The following GRID2 variants were observed in gnomAD, a reference collection of about 807,000 sequenced individuals.
The protein encoded by GRID2 is glutamate ionotropic receptor delta type subunit 2.
In GRID2, 33 loss-of-function variants were observed where a neutral mutation model predicts 114.8. The ratio of observed to expected loss-of-function variants is 0.29; its 90% CI spans 0.22 to 0.38. The LOEUF is 0.38. GRID2 is among the 10% of genes least tolerant of loss of function. GRID2 has a pLI of 1.00. For missense variants in GRID2, 1,184 were observed against 1,257.7 expected (o/e 0.94, Z 0.89); for synonymous variants, 505 against 449.9 (o/e 1.12, Z -1.55).
At chr4:93,388,535 T>C (rs986507867) in intron 8 of GRID2, among the ~76,000 whole-genome samples, 4 of 152,120 alleles carry the variant, frequency 2.6e-5, no homozygotes, top group African/African-American at 9.7e-5. Flanking sequence ...ACTCATATGA[T>C]TTGAATTCAA....
intron 1 of GRID2, among the ~76,000 whole-genome samples, chr4:92,560,185 G>A (rs943838806): frequency 6.6e-6 from 1 of 152,184 alleles, no homozygotes; most frequent in Admixed American, 6.5e-5. Context: ...AGGGGAGCCT[G>A]CTTAATGAGA....
chr4:92,913,879 T>G (rs1450361205), intron 2 of GRID2, among the ~76,000 whole-genome samples: 3 of 152,044 alleles, frequency 2.0e-5, no homozygotes, highest in Non-Finnish European at 2.9e-5. Flanking sequence ...TGACTACTAT[T>G]TTTTCAAACA....
At chr4:92,776,015 A>G (rs1334088773) in intron 2 of GRID2, among the ~76,000 whole-genome samples, 1 of 152,146 alleles carries the variant, frequency 6.6e-6, no homozygotes, top group Non-Finnish European at 1.5e-5. Context: ...CTGACACACT[A>G]TAGGAAGGCC....
chr4:92,453,179 A>G (rs1048856610), intron 1 of GRID2, among the ~76,000 whole-genome samples: 1 of 152,088 alleles, frequency 6.6e-6, no homozygotes, highest in African/African-American at 2.4e-5. Context: ...GAAATAAAGG[A>G]GGCAGGAAGA....
chr4:93,027,047 G>C (rs1723945815), intron 2 of GRID2, among the ~76,000 whole-genome samples: 2 of 151,748 alleles, frequency 1.3e-5, no homozygotes, highest in Non-Finnish European at 2.9e-5. Flanking sequence ...AAATACATTG[G>C]CAAATCAACT....
chr4:92,953,574 T>G (rs1422939535), intron 2 of GRID2, among the ~76,000 whole-genome samples: 2 of 152,164 alleles, frequency 1.3e-5, no homozygotes, highest in African/African-American at 4.8e-5. Flanking sequence ...TGATGATTAG[T>G]TTATGTGATT....
intron 2 of GRID2, among the ~76,000 whole-genome samples, chr4:92,760,859 C>T (rs1277860365): frequency 6.6e-6 from 1 of 152,122 alleles, no homozygotes; most frequent in African/African-American, 2.4e-5. Context: ...GCTATGAATA[C>T]ACTTCATCTT....
intron 5 of GRID2, among the ~76,000 whole-genome samples, chr4:93,214,222 A>G (rs1252297639): frequency 3.3e-5 from 5 of 152,036 alleles, no homozygotes; most frequent in Non-Finnish European, 7.4e-5. Flanking sequence ...ATTATTTTAA[A>G]AAATCTGACA....
rs1296478558 is a variant in GRID2, at chr4:92,938,036, C to T, written c.245-146959C>T. ...AGCTTCTTTTAATTTTCAGACTTCCCATTGTTTTTAAGATGAAATAATGTT... is the reference window on the plus strand; with the variant it reads ...AGCTTCTTTTAATTTTCAGACTTCCTATTGTTTTTAAGATGAAATAATGTT... On this transcript the variant is annotated intron_variant, in intron 2 of 15. Coordinates refer to ENST00000282020, the MANE Select transcript of GRID2 (RefSeq NM_001510.4). Among the ~76,000 whole-genome samples, 3 of 146,628 alleles carry T rather than the reference C, an allele frequency of 2.0e-5. 1 individual carries two copies. The highest frequency in any genetic ancestry group is 1.5e-4 in the Admixed American group (2 of 13,530).
At position 93,489,218 on chromosome 4, in the gene GRID2, T is replaced by A. The variant is rs190007756; in HGVS notation, c.1859-1421T>A. Among the ~76,000 whole-genome samples, 13 of 151,988 alleles carry A rather than the reference T, an allele frequency of 8.6e-5. No individual in the cohort carries two copies. In the East Asian group the frequency reaches 2.5e-3, roughly 30 times the overall value. ...GATAAAAGATTGTTATAAAAAGATA[T>A]CCTCTGAGCAGAAACCTGAAAAAAT... On this transcript the variant is annotated intron_variant, in intron 11 of 15. Transcript: ENST00000282020.
chr4:92,675,495 T>G (rs899976052), intron 2 of GRID2, among the ~76,000 whole-genome samples: 2 of 134,094 alleles, frequency 1.5e-5, no homozygotes, highest in Non-Finnish European at 3.3e-5. Flanking sequence ...CTCCAATCAC[T>G]ATTCTTCACT....
intron 11 of GRID2, among the ~76,000 whole-genome samples, chr4:93,490,360 A>G (rs1414419557): frequency 2.0e-5 from 3 of 151,926 alleles, no homozygotes; most frequent in African/African-American, 7.2e-5. Context: ...CTGTGATTAT[A>G]ATAAAAGGTA....
At chr4:93,114,556 A>C (rs138126496) in intron 4 of GRID2, among the ~76,000 whole-genome samples, 1,577 of 152,202 alleles carry the variant, frequency 0.01, 15 homozygotes, top group Non-Finnish European at 0.015. Context: ...TTAAGCAATG[A>C]TGTAGGAATG....
chr4:93,668,599 GA>G (rs1724141734), intron 14 of GRID2, among the ~76,000 whole-genome samples: 1 of 152,050 alleles, frequency 6.6e-6, no homozygotes, highest in Admixed American at 6.6e-5. Context: ...AGGTGAGAAA[GA>G]AGTAGAGATA....
intron 10 of GRID2, among the ~76,000 whole-genome samples, chr4:93,426,375 C>T (rs1201783395): frequency 6.6e-6 from 1 of 152,040 alleles, no homozygotes; most frequent in Non-Finnish European, 1.5e-5. Flanking sequence ...CCCAGATTAG[C>T]AATTACGTTA....
chr4:92,359,328 C>A (rs1450390308), intron 1 of GRID2, among the ~76,000 whole-genome samples: 3 of 151,910 alleles, frequency 2.0e-5, no homozygotes, highest in African/African-American at 7.2e-5. Flanking sequence ...AAAGTAATAG[C>A]ATGAAACTAG....
chr4:92,457,066 G>A (rs1291211755), intron 1 of GRID2, among the ~76,000 whole-genome samples: 1 of 151,946 alleles, frequency 6.6e-6, no homozygotes, highest in Non-Finnish European at 1.5e-5. Context: ...TGAGCTTCTT[G>A]TTATAGTTTC....
At chr4:92,821,377 A>G (rs1475991084) in intron 2 of GRID2, among the ~76,000 whole-genome samples, 1 of 152,160 alleles carries the variant, frequency 6.6e-6, no homozygotes, top group African/African-American at 2.4e-5. Context: ...TTTATTTCAT[A>G]GATAAAGTTA....
intron 8 of GRID2, among the ~76,000 whole-genome samples, chr4:93,338,022 A>C (rs1031437999): frequency 1.3e-5 from 2 of 152,156 alleles, no homozygotes; most frequent in African/African-American, 4.8e-5. Flanking sequence ...TGTGCTGGTA[A>C]ATTAACAGCT....
Sources: allele counts gnomAD v4.1 joint callset (sites outside exome capture counted in the v4.1 genomes callset), GRCh38; gene constraint gnomAD v4.1.1; transcripts MANE v1.5; gene names NCBI Gene and HGNC (gene_info 2026-07-23, HGNC 2026-07-21).